Variants in VAV2 observed in about 807,000 individuals in gnomAD.
The protein encoded by VAV2 is guanine nucleotide exchange factor VAV2.
VAV2 carries 67 observed loss-of-function variants against 132.5 expected under a neutral mutation model. That is an observed-to-expected ratio of 0.51 (90% CI 0.42 to 0.62). The LOEUF is 0.62. VAV2 is among the 20% of genes least tolerant of loss of function. The pLI, the probability that VAV2 is intolerant of heterozygous loss-of-function variation, is 0.00. For missense variants in VAV2, 938 were observed against 1,153.6 expected (o/e 0.81, Z 2.71); for synonymous variants, 492 against 443.5 (o/e 1.11, Z -1.37).
At chr9:133,841,345 G>A (rs952539503) in intron 3 of VAV2, among the ~76,000 whole-genome samples, 1 of 151,988 alleles carries the variant, frequency 6.6e-6, no homozygotes, top group Non-Finnish European at 1.5e-5. Flanking sequence ...CACTGGGCCT[G>A]GTGACCCCAT....
intron 2 of VAV2, among the ~76,000 whole-genome samples, chr9:133,882,923 CAAG>C (rs755169870): frequency 1.7e-4 from 26 of 152,262 alleles, no homozygotes; most frequent in Non-Finnish European, 2.9e-4. Flanking sequence ...TCTGCCATGC[CAAG>C]AAGTCAGGGA....
chr9:133,894,976 G>A (rs995188049), intron 2 of VAV2, among the ~76,000 whole-genome samples: 9 of 152,334 alleles, frequency 5.9e-5, no homozygotes, highest in East Asian at 1.9e-4. Context: ...CGCTGTTGAC[G>A]TGGGAGGCAG....
At chr9:133,817,571 G>A (rs989463358) in intron 4 of VAV2, among the ~76,000 whole-genome samples, 2 of 152,106 alleles carry the variant, frequency 1.3e-5, no homozygotes, top group African/African-American at 4.8e-5. Flanking sequence ...TTGCACCACT[G>A]CACTCCAGCC....
chr9:133,908,787 C>A (rs950023257), intron 2 of VAV2, among the ~76,000 whole-genome samples: 10 of 152,374 alleles, frequency 6.6e-5, no homozygotes, highest in African/African-American at 2.2e-4. Flanking sequence ...GTGCCAGGAG[C>A]AGGCCCCCTC....
In VAV2 at chr9:133,969,076, G is replaced by A. The variant is rs999687163; in HGVS notation, c.204+22999C>T. ...TTTTGAGGCAGTTTGGCCGGGTGTC[G>A]GTGAAAGCCGTCTAGTTGCCTGAGA... On this transcript the variant is annotated intron_variant, in intron 1 of 29. Transcript: ENST00000371850. This position sits in a 1 kb window ranked among gnomAD's most constrained non-coding sequence, Gnocchi z 5.1. 2.0e-5 allele frequency among the ~76,000 whole-genome samples: 3 copies of A among 152,100 alleles called. No individual in the cohort carries two copies. The highest frequency in any genetic ancestry group is 4.8e-5 in the African/African-American group (2 of 41,460).
Position 133,797,759 on chromosome 9 carries a change from G to A in VAV2, c.887C>T (p.Thr296Ile). 6.2e-7 allele frequency: 1 copy of A among 1,614,068 alleles called. No individual in the cohort carries two copies. Among genetic ancestry groups the A allele is most frequent in the Non-Finnish European group, 8.5e-7 (1 of 1,179,974 alleles). The part of the protein sequence containing the change: ...YCSHMEHAQN[T>I]LNQLLASRED... ...CCGGCTGGCCAGGAGCTGGTTCAGTGTGTTCTGGGCGTGCTCCATGTGGCT... is the reference window on the plus strand; with the variant it reads ...CCGGCTGGCCAGGAGCTGGTTCAGTATGTTCTGGGCGTGCTCCATGTGGCT... The change falls in exon 10 of 30, where the codon ACA becomes ATA. Residue 296 changes from threonine (T) to isoleucine (I), a missense_variant. Transcript: ENST00000371850.
intron 26 of VAV2, 139 bp from the exon 27 acceptor site, chr9:133,770,640 G>T: frequency 7.7e-6 from 10 of 1,299,588 alleles, no homozygotes; most frequent in Non-Finnish European, 1.0e-5. Context: ...CCCACATCCC[G>T]CCAGCCCATG....
intron 9 of VAV2, 113 bp from the exon 10 acceptor site, chr9:133,797,922 CT>C (rs1834785520): frequency 2.3e-6 from 2 of 857,702 alleles, no homozygotes. Flanking sequence ...CAACAGGCCC[CT>C]CCCCTGACAG....
chr9:133,882,126 A>G (rs1231472062), intron 2 of VAV2, among the ~76,000 whole-genome samples: 25 of 152,280 alleles, frequency 1.6e-4, no homozygotes. Flanking sequence ...TGTACGGGAC[A>G]CAGTGGACAG....
Position 133,987,649 on chromosome 9 carries a change from AG to A in VAV2, c.204+4425del, listed in dbSNP as rs539237352. 5.4e-3 allele frequency among the ~76,000 whole-genome samples: 828 copies of A among 152,244 alleles called. 4 individuals carry two copies. The highest frequency in any genetic ancestry group is 0.011 in the African/African-American group (477 of 41,534). ...CTGCCTGATGTGTTTTACGAGGAGG[AG>A]GCCACCAGGACGATGTGGGCAAGTC... On this transcript the variant is annotated intron_variant, in intron 1 of 29. Transcript: ENST00000371850.
chr9:133,799,314 G>A (rs1262993595), intron 9 of VAV2, among the ~76,000 whole-genome samples: 1 of 152,224 alleles, frequency 6.6e-6, no homozygotes, highest in Admixed American at 6.5e-5. Flanking sequence ...GCCGCCAGAG[G>A]CCCTGACACC....
At chr9:133,924,393 G>A (rs1167669580) in intron 2 of VAV2, among the ~76,000 whole-genome samples, 1 of 152,104 alleles carries the variant, frequency 6.6e-6, no homozygotes, top group Non-Finnish European at 1.5e-5. Context: ...TGCCATATTG[G>A]CCAGGCTGGT....
intron 1 of VAV2, among the ~76,000 whole-genome samples, chr9:133,944,664 C>T (rs913109768): frequency 2.0e-5 from 3 of 152,190 alleles, no homozygotes; most frequent in African/African-American, 7.2e-5. Context: ...ATGGAGTGGC[C>T]GGGATGCAAA....
chr9:133,828,257 G>C (rs1163038211), intron 4 of VAV2, among the ~76,000 whole-genome samples: 6 of 120,428 alleles, frequency 5.0e-5, no homozygotes, highest in Admixed American at 8.0e-5. Context: ...TGACCACTGA[G>C]CACGGGCATC....
intron 1 of VAV2, among the ~76,000 whole-genome samples, chr9:133,984,276 T>C (rs918776313): frequency 4.1e-5 from 6 of 148,058 alleles, no homozygotes; most frequent in Non-Finnish European, 7.5e-5. Context: ...ACCTAGTCTG[T>C]CTCTGTGTTT....
intron 3 of VAV2, among the ~76,000 whole-genome samples, chr9:133,848,645 C>A (rs1258816084): frequency 6.6e-6 from 1 of 152,256 alleles, no homozygotes; most frequent in Non-Finnish European, 1.5e-5. Context: ...AAAACCAGGC[C>A]ATGTGCTGGC....
intron 1 of VAV2, among the ~76,000 whole-genome samples, chr9:133,966,697 C>A (rs1278433046): frequency 6.6e-6 from 1 of 151,234 alleles, no homozygotes; most frequent in Non-Finnish European, 1.5e-5. Context: ...AAGATCCTGA[C>A]TCAAAAAACA....
At chr9:133,886,437 T>G (rs1588314087) in intron 2 of VAV2, among the ~76,000 whole-genome samples, 1 of 152,200 alleles carries the variant, frequency 6.6e-6, no homozygotes, top group Non-Finnish European at 1.5e-5. Flanking sequence ...CAAACCCATG[T>G]CCATCTGACG....
At chr9:133,786,058 A>ATGCTG (rs1834208926) in intron 16 of VAV2, 173 bp from the exon 17 acceptor site, 8 of 684,814 alleles carry the variant, frequency 1.2e-5, no homozygotes, top group Non-Finnish European at 2.1e-5. Flanking sequence ...TCTCTTGCCC[A>ATGCTG]TGCTGTACGT....
Sources: gnomAD v4.1 joint callset for allele counts (sites outside exome capture counted in the v4.1 genomes callset) on GRCh38, gnomAD v4.1.1 for gene constraint, Gnocchi (gnomAD v3.1) non-coding constraint, MANE v1.5 for transcripts, NCBI Gene and HGNC (gene_info 2026-07-23, HGNC 2026-07-21) for gene names.